Variants in UGT1A9 observed in about 807,000 individuals in gnomAD.
UGT1A9 encodes the protein UDP-glucuronosyltransferase 1A9.
In UGT1A9, 35 loss-of-function variants were observed where a neutral mutation model predicts 45.0. The observed-to-expected ratio is 0.78, with a 90% CI of 0.59 to 1.03. The LOEUF (loss-of-function observed/expected upper bound fraction) is 1.03. UGT1A9 is among the 50% of genes least tolerant of loss of function. The pLI is 0.00. For missense variants in UGT1A9, 687 were observed against 666.6 expected (o/e 1.03, Z -0.34); for synonymous variants, 278 against 250.6 (o/e 1.11, Z -1.03).
At position 233,708,055 on chromosome 2, in the gene UGT1A9, C is replaced by G. The variant is rs77717552; in HGVS notation, c.855+35266C>G. On this transcript the variant is annotated intron_variant, in intron 1 of 4. Transcript: ENST00000354728. ...GTTATAGATATTGCAAATATCTTCC[C>G]CCACTCTGCATCTTGCTTTTTACTT... Among the ~76,000 whole-genome samples the G allele has an allele frequency of 8.8e-3, 1,337 of 152,226 alleles. 30 individuals carry two copies. Among genetic ancestry groups the G allele is most frequent in the African/African-American group, 0.03 (1,248 of 41,548 alleles).
In UGT1A9 at chr2:233,768,276, A is replaced by T. The variant is rs771550944; in HGVS notation, c.1132A>T (p.Ser378Cys). The T allele has an allele frequency of 3.1e-6, 5 of 1,614,024 alleles. No homozygotes were observed. In the African/African-American group the frequency reaches 6.7e-5, roughly 22 times the overall value. Residue 378 changes from serine (S) to cysteine (C), a missense_variant, in exon 4 of 5, where the codon AGC becomes TGC. Coordinates refer to ENST00000354728, the MANE Select transcript of UGT1A9 (RefSeq NM_021027.3). ...TGCTGGTTCCCATGGTGTTTATGAA[A>T]GCATATGCAATGGCGTTCCCATGGT... ...THAGSHGVYE[S>C]ICNGVPMVMM... is the part of the protein sequence containing the mutation.
intron 1 of UGT1A9, among the ~76,000 whole-genome samples, chr2:233,754,115 A>G (rs1254927549): frequency 6.6e-6 from 1 of 152,216 alleles, no homozygotes; most frequent in Non-Finnish European, 1.5e-5. Context: ...CTACATCACG[A>G]GCATTTATGT....
At position 233,672,270 on chromosome 2, in the gene UGT1A9, A is replaced by C. The variant is rs767124144; in HGVS notation, c.336A>C (p.Ser112=). 1.1e-5 allele frequency: 17 copies of C among 1,614,118 alleles called. No individual in the cohort carries two copies. The South Asian group carries it at 1.9e-4, about 18-fold the overall frequency. ...VRSIYSLLMG[S]YNDIFDLFFS... is the part of the protein sequence containing the mutation. Reference sequence around the variant, plus strand: ...GTATATATTCTCTATTAATGGGTTCATACAATGACATTTTTGACTTATTTT... The same window carrying C: ...GTATATATTCTCTATTAATGGGTTCCTACAATGACATTTTTGACTTATTTT... The change falls in exon 1 of 5, where the codon TCA becomes TCC. Residue 112 remains serine, a synonymous_variant. Transcript: ENST00000354728.
At chr2:233,726,906 T>G (rs1286190236) in intron 1 of UGT1A9, among the ~76,000 whole-genome samples, 2 of 152,198 alleles carry the variant, frequency 1.3e-5, no homozygotes, top group Non-Finnish European at 2.9e-5. Flanking sequence ...TTCAATTATC[T>G]CCTTTTTTCC....
At chr2:233,743,962 C>G (rs189644754) in intron 1 of UGT1A9, 1 of 1,331,618 alleles carries the variant, frequency 7.5e-7, no homozygotes, top group Non-Finnish European at 1.0e-6. Flanking sequence ...CAGCGAGCGG[C>G]AAGGCTGCCA....
At chr2:233,742,829 C>T (rs1399868443) in intron 1 of UGT1A9, 1 of 154,656 alleles carries the variant, frequency 6.5e-6, no homozygotes, top group Non-Finnish European at 1.4e-5. Context: ...TAGATTTCAC[C>T]ACTACACACT....
intron 1 of UGT1A9, chr2:233,692,741 G>A: frequency 9.7e-7 from 1 of 1,033,006 alleles, no homozygotes; most frequent in South Asian, 1.9e-5. Context: ...CAGAGAGGGA[G>A]AAGCAGACTT....
At chr2:233,704,563 A>G (rs1009157826) in intron 1 of UGT1A9, among the ~76,000 whole-genome samples, 11 of 152,202 alleles carry the variant, frequency 7.2e-5, no homozygotes, top group Non-Finnish European at 1.6e-4. Context: ...TTATATAAAT[A>G]CACATGCTTT....
intron 1 of UGT1A9, among the ~76,000 whole-genome samples, chr2:233,703,307 C>T (rs560128555): frequency 1.4e-5 from 2 of 148,024 alleles, no homozygotes; most frequent in East Asian, 4.1e-4. Flanking sequence ...TCTTTCATTT[C>T]ATATTTTTAG....
chr2:233,690,554 A>G (rs1232245723), intron 1 of UGT1A9: 1 of 1,289,716 alleles, frequency 7.8e-7, no homozygotes, highest in Non-Finnish European at 1.0e-6. Flanking sequence ...AATATGTCCC[A>G]AGCCTGAGTC....
chr2:233,725,005 C>G (rs1205607932), intron 1 of UGT1A9, among the ~76,000 whole-genome samples: 2 of 147,300 alleles, frequency 1.4e-5, no homozygotes, highest in Non-Finnish European at 3.0e-5. Flanking sequence ...GAGACCGGCC[C>G]GGCCAAACAG....
At chr2:233,690,915 CATTTCTTCAGCTCCTT>C in intron 1 of UGT1A9, 2 of 1,022,090 alleles carry the variant, frequency 2.0e-6, no homozygotes, top group Non-Finnish European at 1.2e-6. Context: ...ATGTTAGTTT[CATTTCTTCAGCTCCTT>C]CCTCCAACTC....
Position 233,677,865 on chromosome 2 carries a change from C to T in UGT1A9, c.855+5076C>T, listed in dbSNP as rs140979747. Among the ~76,000 whole-genome samples, 554 of 152,174 alleles carry T rather than the reference C, an allele frequency of 3.6e-3. 6 individuals are homozygous for T. The highest frequency in any genetic ancestry group is 0.013 in the African/African-American group (530 of 41,518). ...AAATCGTTTTACCAAGAAACACATG[C>T]ACTGGTATGTTCATTGCAGCTCTAT... On this transcript the variant is annotated intron_variant, in intron 1 of 4. Coordinates refer to ENST00000354728, the MANE Select transcript of UGT1A9 (RefSeq NM_021027.3).
Position 233,729,005 on chromosome 2 carries a change from CTG to C in UGT1A9, c.856-38027_856-38026del, listed in dbSNP as rs1444389059. ...TAATAATTAACTAGAGGAGGGCACT[CTG>C]TCTTCCAATTACACGTTGATTTGCT... On this transcript the variant is annotated intron_variant, in intron 1 of 4. Coordinates refer to ENST00000354728, the MANE Select transcript of UGT1A9 (RefSeq NM_021027.3). The C allele has an allele frequency of 3.2e-6, 5 of 1,574,922 alleles. No individual in the cohort carries two copies. In the East Asian group the frequency reaches 1.1e-4, roughly 36 times the overall value.
chr2:233,679,323 C>T (rs766783928), intron 1 of UGT1A9, among the ~76,000 whole-genome samples: 8 of 152,160 alleles, frequency 5.3e-5, no homozygotes, highest in Non-Finnish European at 1.0e-4. Flanking sequence ...CCAGAAAACG[C>T]GTTCTTATTG....
chr2:233,771,982 G>T (rs1700430504), intron 4 of UGT1A9, among the ~76,000 whole-genome samples: 2 of 152,206 alleles, frequency 1.3e-5, no homozygotes, highest in South Asian at 4.1e-4. Context: ...AGACATAGTG[G>T]TGCATGACTA....
intron 1 of UGT1A9, among the ~76,000 whole-genome samples, chr2:233,750,926 G>A (rs939892463): frequency 5.3e-5 from 8 of 151,868 alleles, no homozygotes; most frequent in African/African-American, 1.9e-4. Flanking sequence ...AAAGAAATGT[G>A]AGGTTGGAGC....
intron 1 of UGT1A9, among the ~76,000 whole-genome samples, chr2:233,709,354 A>G (rs1369898370): frequency 6.6e-6 from 1 of 152,210 alleles, no homozygotes; most frequent in African/African-American, 2.4e-5. Flanking sequence ...CTATTACTAT[A>G]TAGATTTTTC....
intron 1 of UGT1A9, chr2:233,692,049 C>A (rs17868327): frequency 0.036 from 5,524 of 152,116 alleles, 132 homozygotes; most frequent in Admixed American, 0.06. Flanking sequence ...AAAACCCTTG[C>A]GATTAGAGGG....
Sources: allele counts gnomAD v4.1 joint callset (sites outside exome capture counted in the v4.1 genomes callset), GRCh38; gene constraint gnomAD v4.1.1; transcripts MANE v1.5; gene names NCBI Gene and HGNC (gene_info 2026-07-23, HGNC 2026-07-21).